Variants in PCDH15 observed in about 807,000 individuals in gnomAD.
The protein encoded by PCDH15 is protocadherin-15.
PCDH15 carries 129 observed loss-of-function variants against 178.5 expected under a neutral mutation model. The observed-to-expected ratio is 0.72, with a 90% CI of 0.63 to 0.84. The LOEUF is 0.84. Among genes scored for constraint, PCDH15 ranks in the 40% least tolerant of loss-of-function variants. PCDH15 has a pLI of 0.00. For missense variants in PCDH15, 2,230 were observed against 2,099.9 expected (o/e 1.06, Z -1.21); for synonymous variants, 800 against 732.0 (o/e 1.09, Z -1.50).
intron 2 of PCDH15, among the ~76,000 whole-genome samples, chr10:55,092,643 AAAC>A (rs1339206140): frequency 1.3e-5 from 2 of 151,938 alleles, no homozygotes; most frequent in Non-Finnish European, 2.9e-5. Context: ...CTTGAGAAGA[AAAC>A]AAATTAATGA....
At chr10:54,599,993 A>T in intron 2 of PCDH15, 1 of 1,327,394 alleles carries the variant, frequency 7.5e-7, no homozygotes, top group South Asian at 1.3e-5. Context: ...ACTGTGCCAA[A>T]ATCACCAAAG....
chr10:55,061,749 G>A (rs916462741), intron 2 of PCDH15, among the ~76,000 whole-genome samples: 12 of 152,164 alleles, frequency 7.9e-5, no homozygotes, highest in Non-Finnish European at 1.0e-4. Context: ...GGCCAGATGC[G>A]GTGGCTTACG....
chr10:54,415,928 T>A (rs540631805), intron 3 of PCDH15, among the ~76,000 whole-genome samples: 1 of 152,210 alleles, frequency 6.6e-6, no homozygotes, highest in South Asian at 2.1e-4. Flanking sequence ...AAAGTGAATT[T>A]AAGGAGGTGA....
intron 3 of PCDH15, among the ~76,000 whole-genome samples, chr10:54,873,567 T>TGC (rs1954078902): frequency 6.9e-6 from 1 of 144,958 alleles, no homozygotes; most frequent in Non-Finnish European, 1.5e-5. Flanking sequence ...TACGTATGTG[T>TGC]GTGTGTGTAT....
At chr10:54,722,203 G>C (rs970003670) in intron 1 of PCDH15, among the ~76,000 whole-genome samples, 1 of 151,550 alleles carries the variant, frequency 6.6e-6, no homozygotes, top group East Asian at 1.9e-4. Flanking sequence ...ATTAAACATT[G>C]AGAAACATAC....
At chr10:54,546,147 C>A (rs1026389242) in intron 2 of PCDH15, among the ~76,000 whole-genome samples, 3 of 152,150 alleles carry the variant, frequency 2.0e-5, no homozygotes, top group Non-Finnish European at 4.4e-5. Flanking sequence ...ATGATCTTGC[C>A]GCTGTGGCAT....
Position 53,912,160 on chromosome 10 carries a change from G to A in PCDH15, c.3374-8790C>T, listed in dbSNP as rs540297995. Among the ~76,000 whole-genome samples, 688 of 152,184 alleles carry A rather than the reference G, an allele frequency of 4.5e-3. 1 individual carries two copies. Among genetic ancestry groups the A allele is most frequent in the Admixed American group, 7.0e-3 (107 of 15,266 alleles). ...GTTCAACATACACAAATCAATAAAC[G>A]TAATCCATCACATAAAGAGAAACAA... is the stretch of plus-strand genomic sequence containing the variant. On this transcript the variant is annotated intron_variant, in intron 25 of 37. Coordinates refer to ENST00000644397, the MANE Select transcript of PCDH15 (RefSeq NM_001384140.1).
At chr10:53,872,355 A>G (rs1364265768) in intron 26 of PCDH15, among the ~76,000 whole-genome samples, 1 of 152,228 alleles carries the variant, frequency 6.6e-6, no homozygotes, top group African/African-American at 2.4e-5. Flanking sequence ...TAATTTATAT[A>G]TTAAACTTTC....
At chr10:55,166,728 A>C (rs538773011) in intron 1 of PCDH15, 1 of 152,278 alleles carries the variant, frequency 6.6e-6, no homozygotes, top group East Asian at 1.9e-4. Context: ...GGAGCAATTC[A>C]TTTTCTTACA....
chr10:54,718,796 A>G (rs1408229866), intron 1 of PCDH15, among the ~76,000 whole-genome samples: 2 of 150,808 alleles, frequency 1.3e-5, no homozygotes, highest in African/African-American at 2.4e-5. Context: ...GGTTCAAGCA[A>G]TTCGATTCTC....
intron 2 of PCDH15, among the ~76,000 whole-genome samples, chr10:54,978,679 G>C (rs1233160119): frequency 6.6e-6 from 1 of 152,086 alleles, no homozygotes; most frequent in Non-Finnish European, 1.5e-5. Context: ...CAATGGAAAA[G>C]GCATTGACTT....
In PCDH15 at chr10:53,806,820, G is replaced by A; in HGVS notation, c.4982C>T (p.Thr1661Ile). The A allele has an allele frequency of 6.2e-7, 1 of 1,613,868 alleles. No individual in the cohort carries two copies. The highest frequency in any genetic ancestry group is 1.3e-5 in the African/African-American group (1 of 75,002). Residue 1661 changes from threonine to isoleucine, a missense_variant, in exon 38 of 38, where the codon ACT becomes ATT. Physicochemically the swap from Thr to Ile is moderately conservative, Grantham distance 89. Coordinates refer to ENST00000644397, the MANE Select transcript of PCDH15 (RefSeq NM_001384140.1). Reference protein sequence around the residue: ...LNTLSKGPFSTEKMNARPTLV... With the variant: ...LNTLSKGPFSIEKMNARPTLV... ...AGTTGGTCTTGCATTCATTTTTTCA[G>A]TAGAAAATGGCCCCTTTGATAATGT...
intron 2 of PCDH15, among the ~76,000 whole-genome samples, chr10:55,390,759 C>T (rs1171969047): frequency 2.0e-5 from 3 of 152,150 alleles, no homozygotes; most frequent in Non-Finnish European, 4.4e-5. Context: ...TCTCTTTGTA[C>T]ATCTCCATCA....
intron 2 of PCDH15, among the ~76,000 whole-genome samples, chr10:55,117,120 A>T (rs762931043): frequency 1.5e-4 from 23 of 152,274 alleles, no homozygotes; most frequent in East Asian, 1.2e-3. Flanking sequence ...AACTTACACT[A>T]AATACATTTG....
intron 26 of PCDH15, among the ~76,000 whole-genome samples, chr10:53,890,320 G>A (rs1384042863): frequency 6.6e-5 from 10 of 152,078 alleles, no homozygotes; most frequent in African/African-American, 1.4e-4. Flanking sequence ...CCAGCTACTC[G>A]GGAGGCTGAG....
At chr10:53,947,343 G>A (rs1315020497) in intron 23 of PCDH15, among the ~76,000 whole-genome samples, 1 of 151,976 alleles carries the variant, frequency 6.6e-6, no homozygotes, top group Admixed American at 6.5e-5. Context: ...TATTTTAAAA[G>A]CCAGGCAATT....
intron 3 of PCDH15, among the ~76,000 whole-genome samples, chr10:54,396,433 A>G (rs545654232): frequency 6.6e-5 from 10 of 152,160 alleles, no homozygotes; most frequent in Admixed American, 3.9e-4. Flanking sequence ...TCTCTTGTTA[A>G]TCTCTCTTTT....
At chr10:54,922,798 T>C (rs2131845551) in intron 2 of PCDH15, among the ~76,000 whole-genome samples, 1 of 152,260 alleles carries the variant, frequency 6.6e-6, no homozygotes, top group Non-Finnish European at 1.5e-5. Flanking sequence ...GCCCTCATGG[T>C]TGCTTTCATG....
intron 3 of PCDH15, among the ~76,000 whole-genome samples, chr10:54,827,567 C>T (rs1218585020): frequency 6.6e-6 from 1 of 152,086 alleles, no homozygotes; most frequent in African/African-American, 2.4e-5. Context: ...TTTCAGTACA[C>T]AGTCTTTTAA....
Sources: allele counts gnomAD v4.1 joint callset (sites outside exome capture counted in the v4.1 genomes callset), GRCh38; gene constraint gnomAD v4.1.1; transcripts MANE v1.5; gene names NCBI Gene and HGNC (gene_info 2026-07-23, HGNC 2026-07-21).